The following HPF1 variants were observed in gnomAD, a reference collection of about 807,000 sequenced individuals.
The protein encoded by HPF1 is histone PARylation factor 1.
HPF1 carries 35 observed loss-of-function variants against 38.8 expected under a neutral mutation model. That is an observed-to-expected ratio of 0.90 (90% CI 0.69 to 1.19). The LOEUF (loss-of-function observed/expected upper bound fraction) is 1.19, where lower values mean the gene tolerates loss of function less well. Ranked by LOEUF, HPF1 falls within the 50% of genes most tolerant of loss-of-function variation. The pLI is 0.00. For synonymous variants in HPF1, 115 were observed against 139.2 expected (o/e 0.83, Z 1.22); for missense variants, 367 against 405.8 (o/e 0.90, Z 0.82).
At chr4:169,737,964 A>C (rs1416802464) in intron 5 of HPF1, among the ~76,000 whole-genome samples, 1 of 148,304 alleles carries the variant, frequency 6.7e-6, no homozygotes, top group African/African-American at 2.5e-5. Flanking sequence ...ACAGTGAAAT[A>C]ATTGGCTTTT....
At chr4:169,743,473 G>C (rs965248851) in intron 4 of HPF1, among the ~76,000 whole-genome samples, 1 of 140,232 alleles carries the variant, frequency 7.1e-6, no homozygotes, top group African/African-American at 2.7e-5. Flanking sequence ...AACACTAAAG[G>C]TCGATAGATT....
intron 5 of HPF1, among the ~76,000 whole-genome samples, chr4:169,738,566 A>AT (rs1044801775): frequency 1.3e-5 from 2 of 152,072 alleles, no homozygotes; most frequent in Admixed American, 1.3e-4. Flanking sequence ...TATCTTAAAG[A>AT]TTTTTTTCTC....
chr4:169,745,229 G>T (rs1734032393), intron 4 of HPF1, among the ~76,000 whole-genome samples: 1 of 152,230 alleles, frequency 6.6e-6, no homozygotes, highest in Admixed American at 6.5e-5. Flanking sequence ...GCCTAACAGG[G>T]TTGGCAGCTG....
chr4:169,731,620 G>T, intron 7 of HPF1, 84 bp downstream of exon 7: 2 of 1,022,336 alleles, frequency 2.0e-6, no homozygotes, highest in Middle Eastern at 2.2e-4. Context: ...GTATAAATGT[G>T]CACGTATTCA....
chr4:169,740,806 A>G (rs538873878), intron 5 of HPF1, among the ~76,000 whole-genome samples: 1 of 152,350 alleles, frequency 6.6e-6, no homozygotes, highest in African/African-American at 2.4e-5. Flanking sequence ...GGGAAGAATT[A>G]AGAAAATCTC....
chr4:169,740,592 C>G (rs1201214590), intron 5 of HPF1, among the ~76,000 whole-genome samples: 1 of 152,112 alleles, frequency 6.6e-6, no homozygotes, highest in Non-Finnish European at 1.5e-5. Context: ...AAAGAACAAC[C>G]TTGCATTTAA....
Position 169,729,553 on chromosome 4 carries a change from T to C in HPF1, c.*25A>G, listed in dbSNP as rs1422064026. ...GTTTAATACTAGTCCTTTGAAATAC[T>C]GTACACCAATCAAAGCCACCTTACT... On this transcript the variant is annotated 3_prime_UTR_variant, in exon 8 of 8. Coordinates refer to ENST00000393381, the MANE Select transcript of HPF1 (RefSeq NM_017867.3). 57 of 1,475,904 alleles carry C rather than the reference T, an allele frequency of 3.9e-5. No homozygotes were observed. Among genetic ancestry groups the C allele is most frequent in the Non-Finnish European group, 5.0e-5 (56 of 1,110,776 alleles). The allele number at this position is 1,475,904 out of a possible 1,614,324, so 91.4% of individuals were successfully genotyped here. A position where few individuals can be genotyped will look rare whatever the true frequency, so the allele number is the denominator to read the frequency against.
At chr4:169,741,804 C>G (rs1733972798) in intron 5 of HPF1, among the ~76,000 whole-genome samples, 153 bp downstream of exon 5, 1 of 152,170 alleles carries the variant, frequency 6.6e-6, no homozygotes, top group South Asian at 2.1e-4. Context: ...GTGCCATCCT[C>G]TTTCAGTGCC....
intron 1 of HPF1, among the ~76,000 whole-genome samples, chr4:169,754,829 C>A (rs1272568607): frequency 6.6e-6 from 1 of 152,154 alleles, no homozygotes; most frequent in African/African-American, 2.4e-5. Context: ...CCAGGATAGG[C>A]ATCCTCAACA....
At chr4:169,750,364 T>G in intron 3 of HPF1, 172 bp downstream of exon 3, 1 of 437,254 alleles carries the variant, frequency 2.3e-6, no homozygotes, top group Non-Finnish European at 4.0e-6. Flanking sequence ...ACCTAAAGAG[T>G]TTACCCATCC....
At chr4:169,754,716 T>C (rs1734162967) in intron 1 of HPF1, among the ~76,000 whole-genome samples, 1 of 152,124 alleles carries the variant, frequency 6.6e-6, no homozygotes, top group South Asian at 2.1e-4. Flanking sequence ...CCGGTGGTGA[T>C]TTTGCCCCCC....
At chr4:169,747,486 C>T (rs1734064287) in intron 4 of HPF1, among the ~76,000 whole-genome samples, 2 of 152,026 alleles carry the variant, frequency 1.3e-5, no homozygotes, top group Non-Finnish European at 2.9e-5. Context: ...GGAACAACAG[C>T]CCTTTAAAGA....
At chr4:169,751,890 C>G (rs1423686301) in intron 2 of HPF1, among the ~76,000 whole-genome samples, 7 of 152,170 alleles carry the variant, frequency 4.6e-5, no homozygotes, top group Admixed American at 2.6e-4. Flanking sequence ...TTTCCATACT[C>G]TCCACCCCCA....
At chr4:169,732,686 G>A (rs979823298) in intron 6 of HPF1, among the ~76,000 whole-genome samples, 1 of 152,152 alleles carries the variant, frequency 6.6e-6, no homozygotes, top group Non-Finnish European at 1.5e-5. Context: ...TGGAAAGTCT[G>A]CCAGCCTGGT....
At chr4:169,755,059 T>TTCC (rs1553980066) in intron 1 of HPF1, among the ~76,000 whole-genome samples, 1 of 118,640 alleles carries the variant, frequency 8.4e-6, no homozygotes, top group Non-Finnish European at 1.6e-5. Flanking sequence ...ATGCTATCCC[T>TTCC]CCCCCCGCCC....
intron 5 of HPF1, 152 bp from the exon 6 acceptor site, chr4:169,737,899 C>A: frequency 1.6e-6 from 1 of 608,014 alleles, no homozygotes; most frequent in Non-Finnish European, 2.9e-6. Flanking sequence ...AAAAATTTAA[C>A]ACTATTTTTT....
chr4:169,744,334 T>C (rs769615751), intron 4 of HPF1, among the ~76,000 whole-genome samples: 115 of 152,346 alleles, frequency 7.5e-4, no homozygotes, highest in Non-Finnish European at 1.2e-3. Context: ...TGAAGGCACT[T>C]GGTAGCTGCC....
At chr4:169,746,218 C>T (rs1235606504) in intron 4 of HPF1, among the ~76,000 whole-genome samples, 3 of 152,120 alleles carry the variant, frequency 2.0e-5, no homozygotes, top group Non-Finnish European at 2.9e-5. Context: ...TTCCCTATTG[C>T]TGGATATGTT....
chr4:169,743,408 CCTTTTTTTTTT>C (rs1032057126), intron 4 of HPF1, among the ~76,000 whole-genome samples: 2 of 74,250 alleles, frequency 2.7e-5, no homozygotes, highest in African/African-American at 1.2e-4. Flanking sequence ...CTGCCCCTGG[CCTTTTTTTTTT>C]TTTTTTTTTT....
Sources: allele counts gnomAD v4.1 joint callset (sites outside exome capture counted in the v4.1 genomes callset), GRCh38; gene constraint gnomAD v4.1.1; transcripts MANE v1.5; gene names NCBI Gene and HGNC (gene_info 2026-07-23, HGNC 2026-07-21).